GDPD1: variants seen among roughly 807,000 people sequenced by gnomAD.
GDPD1 encodes glycerophosphodiester phosphodiesterase domain containing 1, also known as lysophospholipase D GDPD1.
GDPD1 carries 28 observed loss-of-function variants against 45.1 expected under a neutral mutation model. That is an observed-to-expected ratio of 0.62 (90% confidence interval 0.46 to 0.85). The LOEUF (loss-of-function observed/expected upper bound fraction) is 0.85. Among genes scored for constraint, GDPD1 ranks in the 40% least tolerant of loss-of-function variants. GDPD1 has a pLI of 0.00. For synonymous variants in GDPD1, 139 were observed against 131.4 expected (o/e 1.06, Z -0.40); for missense variants, 256 against 364.8 (o/e 0.70, Z 2.43).
At chr17:59,240,797 C>A (rs987427330) in intron 2 of GDPD1, among the ~76,000 whole-genome samples, 1 of 152,066 alleles carries the variant, frequency 6.6e-6, no homozygotes, top group Non-Finnish European at 1.5e-5. Context: ...TTCATGTTGC[C>A]TAAGTATACA....
chr17:59,236,823 T>C (rs2147880272), intron 2 of GDPD1, among the ~76,000 whole-genome samples: 1 of 152,146 alleles, frequency 6.6e-6, no homozygotes, highest in East Asian at 1.9e-4. Flanking sequence ...CATATGCTAT[T>C]GTTAATGTTT....
At chr17:59,231,692 G>GT (rs541969042) in intron 1 of GDPD1, among the ~76,000 whole-genome samples, 219 of 151,996 alleles carry the variant, frequency 1.4e-3, no homozygotes, top group Middle Eastern at 3.4e-3. Context: ...TCTTTTTTAA[G>GT]TTTTTTTTAT....
chr17:59,244,006 A>C (rs965100740), intron 2 of GDPD1, among the ~76,000 whole-genome samples: 1 of 152,100 alleles, frequency 6.6e-6, no homozygotes, highest in Non-Finnish European at 1.5e-5. Flanking sequence ...AGAAGAAAAA[A>C]ATTGACCGAG....
chr17:59,238,034 C>T lies in GDPD1; in HGVS notation c.185+3500C>T, dbSNP rs532448014. ...CTGTAATCCCAGCACTTTGGGAGGC[C>T]GAGGCGGGTGGATCACCTGAGGTCG... On this transcript the variant is annotated intron_variant, in intron 2 of 9. Coordinates refer to ENST00000284116, the MANE Select transcript of GDPD1 (RefSeq NM_182569.4). Among the ~76,000 whole-genome samples the T allele has an allele frequency of 2.7e-5, 4 of 149,322 alleles. No homozygotes were observed. The East Asian group carries it at 7.9e-4, about 29-fold the overall frequency.
intron 2 of GDPD1, among the ~76,000 whole-genome samples, chr17:59,238,268 CAAA>C (rs373144110): frequency 1.2e-5 from 1 of 80,186 alleles, no homozygotes; most frequent in Non-Finnish European, 2.5e-5. Flanking sequence ...AACTCCATCT[CAAA>C]AAAAAAAAAA....
At chr17:59,271,487 A>G (rs2047443615) in intron 8 of GDPD1, among the ~76,000 whole-genome samples, 1 of 152,168 alleles carries the variant, frequency 6.6e-6, no homozygotes, top group Non-Finnish European at 1.5e-5. Context: ...TGATGAGTTT[A>G]ATTTTAGTAA....
chr17:59,243,912 A>G (rs1597973430), intron 2 of GDPD1, among the ~76,000 whole-genome samples: 2 of 152,316 alleles, frequency 1.3e-5, no homozygotes, highest in South Asian at 4.1e-4. Flanking sequence ...CATAAACATT[A>G]GAAAATATGG....
intron 2 of GDPD1, among the ~76,000 whole-genome samples, chr17:59,241,700 G>A (rs1199411407): frequency 3.3e-5 from 5 of 151,832 alleles, no homozygotes; most frequent in African/African-American, 4.8e-5. Flanking sequence ...AGGCCGAGGC[G>A]GGTGGATCAC....
intron 2 of GDPD1, among the ~76,000 whole-genome samples, chr17:59,241,632 T>C (rs1161391250): frequency 6.7e-6 from 1 of 149,782 alleles, no homozygotes; most frequent in Non-Finnish European, 1.5e-5. Context: ...AGCATCCTTT[T>C]AAATACACTA....
intron 4 of GDPD1, among the ~76,000 whole-genome samples, chr17:59,255,800 T>TATATACAC (rs748031430): frequency 0.22 from 14,588 of 66,394 alleles, 2,769 homozygotes; most frequent in African/African-American, 0.34. Flanking sequence ...TATATATGTA[T>TATATACAC]ATATATATAT....
chr17:59,264,563 A>T, intron 6 of GDPD1, among the ~76,000 whole-genome samples: 1 of 152,064 alleles, frequency 6.6e-6, no homozygotes, highest in East Asian at 1.9e-4. Flanking sequence ...AAGTGCTGGG[A>T]TTACAAGTGT....
At position 59,255,852 on chromosome 17, in the gene GDPD1, C is replaced by T. The variant is rs1160095253; in HGVS notation, c.368-1270C>T. Among the ~76,000 whole-genome samples, 143 of 72,746 alleles carry T rather than the reference C, an allele frequency of 2.0e-3. 3 individuals are homozygous for T. The highest frequency in any genetic ancestry group is 0.012 in the African/African-American group (134 of 11,110). 47.7% of individuals were successfully genotyped at this position (72,746 alleles called of 152,430 possible). A position where few individuals can be genotyped will look rare whatever the true frequency, so the allele number is the denominator to read the frequency against. ...ACGCGTATATATATATATATATATA[C>T]ACACGTATATATATATATATATACA... On this transcript the variant is annotated intron_variant, in intron 4 of 9. Coordinates refer to ENST00000284116, the MANE Select transcript of GDPD1 (RefSeq NM_182569.4).
chr17:59,236,604 C>A (rs1180453626), intron 2 of GDPD1, among the ~76,000 whole-genome samples: 2 of 152,044 alleles, frequency 1.3e-5, no homozygotes, highest in African/African-American at 4.8e-5. Context: ...CAAATGATTT[C>A]TCTGCCTCAG....
intron 6 of GDPD1, among the ~76,000 whole-genome samples, chr17:59,262,011 G>A (rs951878451): frequency 1.5e-5 from 2 of 131,364 alleles, no homozygotes; most frequent in Non-Finnish European, 3.1e-5. Flanking sequence ...TCCGCCTCCC[G>A]GGTTCACGCC....
At chr17:59,235,973 A>C (rs1334397407) in intron 2 of GDPD1, among the ~76,000 whole-genome samples, 1 of 152,232 alleles carries the variant, frequency 6.6e-6, no homozygotes, top group Non-Finnish European at 1.5e-5. Flanking sequence ...TGTACAAATT[A>C]TACAACATAT....
intron 1 of GDPD1, among the ~76,000 whole-genome samples, chr17:59,230,370 ATTT>A (rs942416287): frequency 0.042 from 3,382 of 79,662 alleles, 61 homozygotes; most frequent in Non-Finnish European, 0.058. Flanking sequence ...CAGTTGTAGA[ATTT>A]TTTTTTTTTT....
intron 1 of GDPD1, among the ~76,000 whole-genome samples, chr17:59,222,558 G>A (rs1230355399): frequency 9.4e-5 from 11 of 117,278 alleles, no homozygotes; most frequent in African/African-American, 2.6e-4. Flanking sequence ...CTTGTCGCCC[G>A]GGCTACAGTG....
chr17:59,258,237 T>C (rs1195623665), intron 6 of GDPD1, among the ~76,000 whole-genome samples: 1 of 150,316 alleles, frequency 6.7e-6, no homozygotes, highest in African/African-American at 2.4e-5. Flanking sequence ...CTTATTACAG[T>C]AATAATTTTT....
intron 7 of GDPD1, among the ~76,000 whole-genome samples, chr17:59,270,013 G>A (rs1454847767): frequency 6.6e-6 from 1 of 151,948 alleles, no homozygotes; most frequent in Non-Finnish European, 1.5e-5. Flanking sequence ...ACACAAGCAG[G>A]ATATATTTTG....
Sources: gnomAD v4.1 joint callset for allele counts (sites outside exome capture counted in the v4.1 genomes callset) on GRCh38, gnomAD v4.1.1 for gene constraint, MANE v1.5 for transcripts, NCBI Gene and HGNC (gene_info 2026-07-23, HGNC 2026-07-21) for gene names.